Variants in MYO18A observed in about 807,000 individuals in gnomAD.
MYO18A encodes the protein unconventional myosin-XVIIIa.
MYO18A carries 78 observed loss-of-function variants against 235.8 expected under a neutral mutation model. The observed-to-expected ratio is 0.33, with a 90% CI of 0.28 to 0.40. The LOEUF is 0.40. MYO18A is among the 10% of genes least tolerant of loss of function. MYO18A has a pLI of 1.00. For missense variants in MYO18A, 2,215 were observed against 2,699.3 expected, an observed-to-expected ratio of 0.82 and a Z score of 3.98; for synonymous variants, 977 against 1,077.8, an observed-to-expected ratio of 0.91 and a Z score of 1.83.
At chr17:29,168,404 G>GTTAGAGTC (rs1377979293) in intron 1 of MYO18A, among the ~76,000 whole-genome samples, 3 of 151,736 alleles carry the variant, frequency 2.0e-5, no homozygotes, top group Non-Finnish European at 4.4e-5. Context: ...AGTCTTTCTT[G>GTTAGAGTC]TTCTAACCAG....
Position 29,121,195 on chromosome 17 carries a change from T to C in MYO18A, c.1388A>G (p.Lys463Arg). The C allele has an allele frequency of 1.2e-6, 2 of 1,607,894 alleles. No homozygotes were observed. ...VYSEKVMHMFKGCRREDMAPH... is the reference protein window; with the variant it reads ...VYSEKVMHMFRGCRREDMAPH... ...TGCCATGTCCTCCCGCCGACAACCC[T>C]TGAACATGTGCATCACCTTGGGCAG... Residue 463 changes from lysine (K) to arginine (R), a missense_variant, in exon 6 of 42, where the codon AAG (lysine) becomes AGG (arginine). Physicochemically the swap from Lys to Arg is conservative, Grantham distance 26 (BLOSUM62 2). Coordinates refer to ENST00000527372, the MANE Select transcript of MYO18A (RefSeq NM_078471.4). The surrounding 1 kb of genome is among the most constrained non-coding windows in gnomAD (Gnocchi z 4.2).
At chr17:29,139,844 C>T (rs564009130) in intron 2 of MYO18A, among the ~76,000 whole-genome samples, 2 of 152,208 alleles carry the variant, frequency 1.3e-5, no homozygotes, top group South Asian at 4.1e-4. Context: ...GAAGGGTGCT[C>T]CCTGACAACT....
At chr17:29,164,793 T>C (rs1479668688) in intron 2 of MYO18A, among the ~76,000 whole-genome samples, 2 of 152,222 alleles carry the variant, frequency 1.3e-5, no homozygotes, top group African/African-American at 2.4e-5. Flanking sequence ...TGATGCCCCA[T>C]GGAGATCCGC....
In MYO18A at chr17:29,097,298, G is replaced by A. The variant is rs8067806; in HGVS notation, c.4155C>T (p.Thr1385=). ...CAAACTCCTGCTGGAGCCGTTTCTT[G>A]GTGAAGTCCACCTCCCGCACAGCCC... ...YERAVREVDF[T]KKRLQQEFED... is the part of the protein sequence containing the mutation. Residue 1385 remains threonine (T), a synonymous_variant, in exon 27 of 42, where the codon ACC becomes ACT. Coordinates refer to ENST00000527372, the MANE Select transcript of MYO18A (RefSeq NM_078471.4). 270,099 of 1,610,782 alleles carry A rather than the reference G, an allele frequency of 0.17. 26,481 individuals carry two copies. The highest frequency in any genetic ancestry group is 0.52 in the East Asian group (23,389 of 44,852).
In MYO18A at chr17:29,115,766, G is replaced by A; in HGVS notation, c.2125C>T (p.Leu709=). 4 of 1,594,900 alleles carry A rather than the reference G, an allele frequency of 2.5e-6. No individual in the cohort carries two copies. The highest frequency in any genetic ancestry group is 3.4e-6 in the Non-Finnish European group (4 of 1,170,556). The stretch of plus-strand genomic sequence containing the variant: ...TGGTGCTTGAAGATGGCTGAGGACA[G>A]CTCCTCCAGGCTGCAGCCCAGTAGG... The part of the protein sequence containing the change: ...AYLLGCSLEE[L]SSAIFKHQHK... Residue 709 remains leucine, a synonymous_variant, in exon 12 of 42, where the codon CTG becomes TTG. Coordinates refer to ENST00000527372, the MANE Select transcript of MYO18A (RefSeq NM_078471.4).
intron 28 of MYO18A, among the ~76,000 whole-genome samples, chr17:29,096,464 T>G (rs1396012904): frequency 6.6e-6 from 1 of 152,160 alleles, no homozygotes; most frequent in African/African-American, 2.4e-5. Flanking sequence ...TAGAGGTTCC[T>G]GCACAGGCCC....
rs2066276817 is a variant in MYO18A, at chr17:29,087,183, G to A, written c.5527-62C>T. 2.6e-6 allele frequency: 4 copies of A among 1,539,020 alleles called. No homozygotes were observed. The South Asian group carries it at 4.9e-5, about 19-fold the overall frequency. Reference sequence around the variant, plus strand: ...AGGCCCATCAGCCAGGCAGAGGGAGGGTGTGGCAGAGCTCTGGGTGAGGAG... The same window carrying A: ...AGGCCCATCAGCCAGGCAGAGGGAGAGTGTGGCAGAGCTCTGGGTGAGGAG... On this transcript the variant is annotated intron_variant, in intron 37 of 41. Transcript: ENST00000527372.
rs764612501 is a variant in MYO18A, at chr17:29,107,096, A to G, written c.3425T>C (p.Val1142Ala). The G allele has an allele frequency of 3.1e-6, 5 of 1,613,946 alleles. No individual in the cohort carries two copies. The Admixed American group carries it at 8.3e-5, about 27-fold the overall frequency. The change falls in exon 20 of 42, where the codon GTG becomes GCG. Residue 1142 changes from valine (V) to alanine (A), a missense_variant. By Grantham distance (64) the Val-to-Ala change is moderately conservative. Coordinates refer to ENST00000527372, the MANE Select transcript of MYO18A (RefSeq NM_078471.4). ...LTKKHGRNYI[V>A]VDERRAVEEL... ...TGGACCTACCCGCCTTTCATCCACC[A>G]CGATGTAGTTACGCCCGTGTTTCTT...
In MYO18A at chr17:29,121,972, C is replaced by G. The variant is rs749417298; in HGVS notation, c.1088-15G>C. The G allele has an allele frequency of 6.2e-7, 1 of 1,613,158 alleles. No individual in the cohort carries two copies. The highest frequency in any genetic ancestry group is 1.1e-5 in the South Asian group (1 of 91,066). On this transcript the variant is annotated splice_polypyrimidine_tract_variant and intron_variant, in intron 3 of 41. Transcript: ENST00000527372. The surrounding 1 kb of genome is among the most constrained non-coding windows in gnomAD (Gnocchi z 4.2). ...GAGTTGACTGGCTGCAGGGGAGGGACAGACAGCTGGGATGGGCCTGGGAAG... is the reference window on the plus strand; with the variant it reads ...GAGTTGACTGGCTGCAGGGGAGGGAGAGACAGCTGGGATGGGCCTGGGAAG...
chr17:29,102,985 A>T, intron 21 of MYO18A, among the ~76,000 whole-genome samples: 1 of 152,024 alleles, frequency 6.6e-6, no homozygotes, highest in East Asian at 1.9e-4. Context: ...CTCGGAAGAG[A>T]GGGGCATGCA....
At chr17:29,079,807 C>A (rs2152713467) in intron 41 of MYO18A, 2 of 986,126 alleles carry the variant, frequency 2.0e-6, no homozygotes, top group African/African-American at 1.7e-5. Context: ...TTCCTCCTTC[C>A]TCGACGGCCG....
Position 29,166,952 on chromosome 17 carries a change from T to C in MYO18A, c.-12A>G, listed in dbSNP as rs79567680. The C allele has an allele frequency of 1.0e-4, 156 of 1,523,548 alleles. 1 individual carries two copies. The East Asian group carries it at 3.5e-3, about 34-fold the overall frequency. 94.4% of individuals were successfully genotyped at this position (1,523,548 alleles called of 1,614,324 possible). On this transcript the variant is annotated 5_prime_UTR_variant, in exon 2 of 42. Transcript: ENST00000527372. ...ATTAGGTTAAACATGGTGGGGGTGCTGTTTGTAGGGGTAGCACCCCCAGAG... is the reference window on the plus strand; with the variant it reads ...ATTAGGTTAAACATGGTGGGGGTGCCGTTTGTAGGGGTAGCACCCCCAGAG...
intron 2 of MYO18A, among the ~76,000 whole-genome samples, chr17:29,142,154 A>G (rs1441493250): frequency 6.6e-6 from 1 of 152,074 alleles, no homozygotes; most frequent in African/African-American, 2.4e-5. Flanking sequence ...CCGTGGTCTC[A>G]ATCTCCTGAC....
chr17:29,114,197 C>T (rs1374360122), intron 14 of MYO18A, 100 bp from the exon 15 acceptor site: 2 of 847,664 alleles, frequency 2.4e-6, no homozygotes, highest in African/African-American at 3.4e-5. Flanking sequence ...GCAAGGCCAA[C>T]CTCCTTCTGT....
At chr17:29,093,759 G>A (rs1359568430) in intron 31 of MYO18A, among the ~76,000 whole-genome samples, 1 of 152,110 alleles carries the variant, frequency 6.6e-6, no homozygotes, top group African/African-American at 2.4e-5. Flanking sequence ...GCTGCCCCTG[G>A]CACAGAAAGC....
In MYO18A at chr17:29,095,839, G is replaced by A. The variant is rs189314982; in HGVS notation, c.4386-780C>T. Among the ~76,000 whole-genome samples, 162 of 152,308 alleles carry A rather than the reference G, an allele frequency of 1.1e-3. 1 individual carries two copies. The highest frequency in any genetic ancestry group is 5.0e-3 in the Admixed American group (77 of 15,298). On this transcript the variant is annotated intron_variant, in intron 28 of 41. Transcript: ENST00000527372. ...GCTGAAACCTAATAAGTTGCCCAGC[G>A]GGGAGCAGGGCAGCACAGTAACTAG...
intron 2 of MYO18A, among the ~76,000 whole-genome samples, chr17:29,131,614 G>C (rs182388322): frequency 8.5e-4 from 129 of 152,356 alleles, no homozygotes; most frequent in African/African-American, 3.0e-3. Context: ...CCTAGAATCA[G>C]AACTGTTCAG....
At chr17:29,136,250 A>AAAATATAT (rs1483354837) in intron 2 of MYO18A, among the ~76,000 whole-genome samples, 3 of 82,460 alleles carry the variant, frequency 3.6e-5, no homozygotes, top group Non-Finnish European at 7.2e-5. Context: ...AAAAAAAAAA[A>AAAATATAT]ATATATATAT....
At chr17:29,130,474 C>CCTCACA (rs1470883412) in intron 2 of MYO18A, among the ~76,000 whole-genome samples, 33 of 142,238 alleles carry the variant, frequency 2.3e-4, no homozygotes, top group African/African-American at 7.0e-4. Context: ...GAGGCCTCTC[C>CCTCACA]CACACACACA....
Sources: allele counts gnomAD v4.1 joint callset (sites outside exome capture counted in the v4.1 genomes callset), GRCh38; gene constraint gnomAD v4.1.1; non-coding constraint Gnocchi (gnomAD v3.1); transcripts MANE v1.5; gene names NCBI Gene and HGNC (gene_info 2026-07-23, HGNC 2026-07-21).